Variants in DPH6 observed in about 807,000 individuals in gnomAD.
The protein encoded by DPH6 is diphthamine biosynthesis 6.
A neutral mutation model predicts 38.2 loss-of-function variants in DPH6; 33 were observed. That is an observed-to-expected ratio of 0.86 (90% CI 0.65 to 1.15). DPH6 has a LOEUF of 1.15. Among genes scored for constraint, DPH6 ranks in the 50% most tolerant of loss-of-function variants. The probability of loss-of-function intolerance (pLI) is 0.00; values close to 1 mark genes in which losing one functional copy is unlikely to be tolerated. For missense variants in DPH6, 325 were observed against 320.0 expected (o/e 1.02, Z -0.12); for synonymous variants, 108 against 103.0 (o/e 1.05, Z -0.30).
intron 3 of DPH6, among the ~76,000 whole-genome samples, chr15:35,244,476 A>T (rs150051005): frequency 6.6e-6 from 1 of 152,356 alleles, no homozygotes; most frequent in Non-Finnish European, 1.5e-5. Flanking sequence ...TCTTTCACGA[A>T]CACATTCATT....
chr15:35,370,077 A>C (rs2052697186), downstream of DPH6, among the ~76,000 whole-genome samples: 1 of 151,804 alleles, frequency 6.6e-6, no homozygotes, highest in African/African-American at 2.4e-5. Flanking sequence ...ATACAAAAGA[A>C]CAAGGCAATA....
At chr15:35,379,880 A>G (rs904468454) in intron 7 of DPH6, among the ~76,000 whole-genome samples, 1 of 152,090 alleles carries the variant, frequency 6.6e-6, no homozygotes, top group Non-Finnish European at 1.5e-5. Flanking sequence ...ACTGGAGGCA[A>G]TGGCAGCCAA....
intron 6 of DPH6, among the ~76,000 whole-genome samples, chr15:35,392,577 G>A (rs997935706): frequency 1.6e-4 from 24 of 152,136 alleles, no homozygotes; most frequent in Non-Finnish European, 2.4e-4. Context: ...TCTACTCTAG[G>A]TTTAGTATTG....
intron 3 of DPH6, among the ~76,000 whole-genome samples, chr15:35,365,218 T>C (rs1167044657): frequency 6.6e-6 from 1 of 152,044 alleles, no homozygotes; most frequent in African/African-American, 2.4e-5. Context: ...TAAAACCCAA[T>C]CACCAAATCC....
chr15:35,442,356 T>A (rs1381996073), intron 5 of DPH6, among the ~76,000 whole-genome samples: 3 of 152,086 alleles, frequency 2.0e-5, no homozygotes, highest in African/African-American at 4.8e-5. Flanking sequence ...ATGATAGCTA[T>A]AAGAAAGACA....
chr15:35,475,215 TCTTA>T (rs746669469), intron 3 of DPH6, among the ~76,000 whole-genome samples: 20 of 152,146 alleles, frequency 1.3e-4, no homozygotes, highest in Admixed American at 4.6e-4. Context: ...CTTTTATAGG[TCTTA>T]CTTATTTCCA....
intron 3 of DPH6, among the ~76,000 whole-genome samples, chr15:35,302,347 C>G (rs1272329404): frequency 6.6e-6 from 1 of 152,196 alleles, no homozygotes; most frequent in Admixed American, 6.5e-5. Context: ...GATAAAACAT[C>G]CTTTCATTGT....
intron 3 of DPH6, among the ~76,000 whole-genome samples, chr15:35,261,294 C>T (rs2051744690): frequency 6.6e-6 from 1 of 152,186 alleles, no homozygotes; most frequent in African/African-American, 2.4e-5. Flanking sequence ...GAACTGGAAA[C>T]GTTCAGCTGA....
chr15:35,496,567 A>AAAAAAAAAAAAAAAAATATATATAT, intron 3 of DPH6, among the ~76,000 whole-genome samples: 4 of 31,012 alleles, frequency 1.3e-4, no homozygotes, highest in African/African-American at 4.1e-4. Flanking sequence ...AAAAAAAAAA[A>AAAAAAAAAAAAAAAAATATATATAT]ATATATATAT....
chr15:35,517,240 C>T (rs1240987174), intron 3 of DPH6, among the ~76,000 whole-genome samples: 1 of 151,984 alleles, frequency 6.6e-6, no homozygotes, highest in Non-Finnish European at 1.5e-5. Context: ...GTAGAATAAA[C>T]AGGATGCTTC....
the DPH6 span, among the ~76,000 whole-genome samples, chr15:35,197,404 A>G: frequency 6.6e-6 from 1 of 152,220 alleles, no homozygotes; most frequent in Admixed American, 6.6e-5. Flanking sequence ...AGAATTTTAC[A>G]TCTTGTAGTA....
chr15:35,535,451 A>G (rs1276294976), intron 3 of DPH6, among the ~76,000 whole-genome samples: 1 of 152,184 alleles, frequency 6.6e-6, no homozygotes, highest in Non-Finnish European at 1.5e-5. Context: ...GGAATAAACC[A>G]AGAAAAAGGA....
chr15:35,233,627 G>A (rs2051533220), intron 3 of DPH6, among the ~76,000 whole-genome samples: 2 of 152,100 alleles, frequency 1.3e-5, no homozygotes, highest in Admixed American at 1.3e-4. Flanking sequence ...AAAGACAGCA[G>A]GAATTTGAAG....
At chr15:35,178,019 T>C in the DPH6 span, among the ~76,000 whole-genome samples, 5 of 152,300 alleles carry the variant, frequency 3.3e-5, 1 homozygote, top group East Asian at 3.9e-4. Context: ...TCAATACATA[T>C]ATATGTTGTA....
the DPH6 span, among the ~76,000 whole-genome samples, chr15:35,200,610 G>T: frequency 6.6e-6 from 1 of 151,922 alleles, no homozygotes; most frequent in Admixed American, 6.6e-5. Context: ...GGTGAGTATT[G>T]CTGTGTGCTC....
At chr15:35,363,825 G>GACATGTTA (rs2052634372) in intron 3 of DPH6, among the ~76,000 whole-genome samples, 1 of 151,482 alleles carries the variant, frequency 6.6e-6, no homozygotes, top group Non-Finnish European at 1.5e-5. Context: ...TAGAATTTAT[G>GACATGTTA]ACATGTTATC....
At chr15:35,526,643 A>G (rs983400580) in intron 3 of DPH6, among the ~76,000 whole-genome samples, 1 of 152,180 alleles carries the variant, frequency 6.6e-6, no homozygotes. Context: ...ATATACTCCA[A>G]AAAGTCTGAA....
chr15:35,390,415 T>C (rs2053037261), intron 6 of DPH6, among the ~76,000 whole-genome samples: 1 of 152,236 alleles, frequency 6.6e-6, no homozygotes. Flanking sequence ...GAAGTTCTCC[T>C]GGATAATATC....
At chr15:35,395,578 A>C (rs1426929922) in intron 6 of DPH6, among the ~76,000 whole-genome samples, 1 of 152,164 alleles carries the variant, frequency 6.6e-6, no homozygotes, top group Non-Finnish European at 1.5e-5. Context: ...CCTTCTTGCC[A>C]AAGTCTTCAT....
Sources: gnomAD v4.1 joint callset for allele counts (sites outside exome capture counted in the v4.1 genomes callset) on GRCh38, gnomAD v4.1.1 for gene constraint, MANE v1.5 for transcripts, NCBI Gene and HGNC (gene_info 2026-07-23, HGNC 2026-07-21) for gene names.